Variants in DPP6 observed in about 807,000 individuals in gnomAD.
DPP6 encodes the protein dipeptidyl peptidase like 6, also known as A-type potassium channel modulatory protein DPP6.
In DPP6, 69 loss-of-function variants were observed where a neutral mutation model predicts 122.6. The ratio of observed to expected loss-of-function variants is 0.56; its 90% CI spans 0.46 to 0.69. DPP6 has a LOEUF of 0.69. Among genes scored for constraint, DPP6 ranks in the 30% least tolerant of loss-of-function variants. The pLI is 0.00. For missense variants in DPP6, 928 were observed against 1,116.9 expected, an observed-to-expected ratio of 0.83 and a Z score of 2.41; for synonymous variants, 418 against 433.1, an observed-to-expected ratio of 0.97 and a Z score of 0.43.
the DPP6 span, among the ~76,000 whole-genome samples, chr7:153,824,439 C>T: frequency 2.7e-5 from 4 of 148,302 alleles, no homozygotes; most frequent in African/African-American, 1.0e-4. Flanking sequence ...GTAATCCCAG[C>T]ACTTTGGGAG....
intron 1 of DPP6, among the ~76,000 whole-genome samples, chr7:154,374,605 T>TTTTTTCTTTTTTTTTC (rs138780636): frequency 1.4e-5 from 2 of 140,436 alleles, no homozygotes; most frequent in Non-Finnish European, 3.2e-5. Flanking sequence ...TTTTTCTGTT[T>TTTTTTCTTTTTTTTTC]TTTTTCTTTT....
intron 1 of DPP6, among the ~76,000 whole-genome samples, chr7:154,158,015 A>G (rs920231648): frequency 4.0e-5 from 6 of 148,678 alleles, no homozygotes; most frequent in Non-Finnish European, 5.9e-5. Context: ...ATTTATTTAG[A>G]TATTATGCAT....
intron 2 of DPP6, among the ~76,000 whole-genome samples, chr7:154,463,442 C>T (rs1008786977): frequency 1.1e-4 from 17 of 151,888 alleles, no homozygotes; most frequent in South Asian, 2.1e-4. Context: ...CTCCTGACCT[C>T]GTGATCCGCC....
At chr7:154,068,033 A>T (rs1173161670) in intron 1 of DPP6, among the ~76,000 whole-genome samples, 3 of 151,424 alleles carry the variant, frequency 2.0e-5, no homozygotes, top group Non-Finnish European at 2.9e-5. Context: ...AAGTACTGGG[A>T]TTACAGGCAT....
chr7:154,803,807 C>T, intron 13 of DPP6, 57 bp from the exon 14 acceptor site: 1 of 1,574,834 alleles, frequency 6.3e-7, no homozygotes, highest in Admixed American at 1.8e-5. Context: ...GGATGAAGAG[C>T]CATGCTGGGG....
At chr7:153,799,810 A>G in the DPP6 span, among the ~76,000 whole-genome samples, 1 of 152,234 alleles carries the variant, frequency 6.6e-6, no homozygotes, top group Non-Finnish European at 1.5e-5. Context: ...TAATTTAGAT[A>G]AGAATTATTA....
chr7:154,664,403 A>G (rs1838009938), intron 6 of DPP6, among the ~76,000 whole-genome samples: 1 of 152,242 alleles, frequency 6.6e-6, no homozygotes, highest in Admixed American at 6.5e-5. Context: ...CCTACTGAAA[A>G]TCATAATCTA....
At chr7:154,862,922 G>C (rs957547043) in intron 17 of DPP6, among the ~76,000 whole-genome samples, 1 of 152,240 alleles carries the variant, frequency 6.6e-6, no homozygotes, top group African/African-American at 2.4e-5. Flanking sequence ...GAGAAAAGAG[G>C]CTGGGTGCTG....
At chr7:153,946,299 G>C (rs923934508) in intron 1 of DPP6, among the ~76,000 whole-genome samples, 12 of 152,176 alleles carry the variant, frequency 7.9e-5, no homozygotes, top group Admixed American at 7.9e-4. Flanking sequence ...TGCTAAACAA[G>C]GGCTGGATCA....
intron 1 of DPP6, among the ~76,000 whole-genome samples, chr7:154,199,961 C>T (rs1305354551): frequency 6.6e-6 from 1 of 152,176 alleles, no homozygotes; most frequent in African/African-American, 2.4e-5. Flanking sequence ...ATTGTCAGTG[C>T]AGAGCCCCGC....
the DPP6 span, among the ~76,000 whole-genome samples, chr7:153,808,303 G>A: frequency 2.6e-4 from 39 of 150,190 alleles, no homozygotes; most frequent in Non-Finnish European, 4.3e-4. Context: ...GTGTGTCTGC[G>A]CACATGTGTG....
chr7:154,263,055 C>T (rs1803142913), intron 1 of DPP6, among the ~76,000 whole-genome samples: 1 of 152,292 alleles, frequency 6.6e-6, no homozygotes, highest in Non-Finnish European at 1.5e-5. Context: ...AAAATCTGTT[C>T]CCAGTTTGAG....
At chr7:154,621,524 A>G (rs984531478) in intron 5 of DPP6, among the ~76,000 whole-genome samples, 2 of 150,882 alleles carry the variant, frequency 1.3e-5, no homozygotes, top group African/African-American at 2.5e-5. Context: ...TCATGCCACC[A>G]CACCCAGCTA....
intron 1 of DPP6, among the ~76,000 whole-genome samples, chr7:153,944,118 A>G (rs902776703): frequency 1.3e-5 from 2 of 152,174 alleles, no homozygotes; most frequent in Non-Finnish European, 2.9e-5. Flanking sequence ...TTGAAGGAAG[A>G]TTGCATCGTA....
chr7:154,384,741 T>C (rs57663820), intron 1 of DPP6, among the ~76,000 whole-genome samples: 1,723 of 132,832 alleles, frequency 0.013, 40 homozygotes, highest in African/African-American at 0.045. Context: ...TTCTTTCTTT[T>C]ATTTTTTTTT....
the DPP6 span, among the ~76,000 whole-genome samples, chr7:153,864,425 C>G: frequency 6.6e-6 from 1 of 152,028 alleles, no homozygotes; most frequent in Non-Finnish European, 1.5e-5. Context: ...GAGGCTGAGG[C>G]AGGTGGATCA....
intron 6 of DPP6, among the ~76,000 whole-genome samples, chr7:154,658,997 G>T (rs1473869392): frequency 6.6e-6 from 1 of 152,238 alleles, no homozygotes; most frequent in Admixed American, 6.5e-5. Flanking sequence ...TAGGGGATTG[G>T]AGCAGAGGAT....
intron 10 of DPP6, among the ~76,000 whole-genome samples, chr7:154,786,043 C>G (rs1246773766): frequency 6.6e-6 from 1 of 152,144 alleles, no homozygotes; most frequent in Non-Finnish European, 1.5e-5. Flanking sequence ...TAAGGCCATC[C>G]TGGGACCTCC....
At chr7:153,923,303 C>T (rs747385489) in intron 1 of DPP6, among the ~76,000 whole-genome samples, 1 of 152,172 alleles carries the variant, frequency 6.6e-6, no homozygotes, top group Non-Finnish European at 1.5e-5. Context: ...CATTAAGATG[C>T]CTAATGCCAG....
Sources: gnomAD v4.1 joint callset for allele counts (sites outside exome capture counted in the v4.1 genomes callset) on GRCh38, gnomAD v4.1.1 for gene constraint, MANE v1.5 for transcripts, NCBI Gene and HGNC (gene_info 2026-07-23, HGNC 2026-07-21) for gene names.